The following ARL5B variants were observed in gnomAD, a reference collection of about 807,000 sequenced individuals.
ARL5B encodes ARF like GTPase 5B.
ARL5B carries 10 observed loss-of-function variants against 26.9 expected under a neutral mutation model. The ratio of observed to expected loss-of-function variants is 0.37; its 90% CI spans 0.23 to 0.63. The LOEUF is 0.63. ARL5B is among the 30% of genes least tolerant of loss of function. The probability of loss-of-function intolerance (pLI) is 0.62; values close to 1 mark genes in which losing one functional copy is unlikely to be tolerated. For missense variants in ARL5B, 167 were observed against 213.9 expected (o/e 0.78, Z 1.37); for synonymous variants, 87 against 70.4 (o/e 1.24, Z -1.18).
At chr10:18,670,771 G>A (rs762876473) in intron 3 of ARL5B, among the ~76,000 whole-genome samples, 6 of 152,176 alleles carry the variant, frequency 3.9e-5, no homozygotes, top group Non-Finnish European at 7.3e-5. Flanking sequence ...GAATCCATAT[G>A]TACTTAAAGT....
chr10:18,668,794 G>A (rs536625261), intron 3 of ARL5B, 117 bp downstream of exon 3: 383 of 1,064,208 alleles, frequency 3.6e-4, no homozygotes, highest in Middle Eastern at 5.8e-4. Context: ...TTTTTAAGAC[G>A]GAGTCTTGCT....
intron 4 of ARL5B, among the ~76,000 whole-genome samples, 175 bp from the exon 5 acceptor site, chr10:18,673,809 A>G (rs1304705924): frequency 6.6e-6 from 1 of 151,828 alleles, no homozygotes; most frequent in Non-Finnish European, 1.5e-5. Flanking sequence ...AAAAATAATT[A>G]TTTAATATTA....
rs757110842 is a variant in ARL5B, at chr10:18,674,133, A to G, written c.489A>G (p.Glu163=). 6 of 1,608,004 alleles carry G rather than the reference A, an allele frequency of 3.7e-6. No individual in the cohort carries two copies. Among genetic ancestry groups the G allele is most frequent in the Admixed American group, 1.7e-5 (1 of 58,618 alleles). The change falls in exon 5 of 6, where the codon GAA becomes GAG. Residue 163 remains glutamate, a splice_region_variant and synonymous_variant. Coordinates refer to ENST00000377275, the MANE Select transcript of ARL5B (RefSeq NM_178815.5). The part of the protein sequence containing the change: ...HIQSCCALTG[E]GLCQGLEWMT... ...AATCCTGCTGTGCTCTCACAGGAGA[A>G]GGGTAAGTTCATCCGTCTGAGGGGA...
rs1180685961 is a variant in ARL5B at position 18,681,502 on chromosome 10, G to A, written c.*6286G>A. ...CATGCCTACTTAACCCAAGTAAAACGATGCTGTTTGCTCTGGAATGTTCAT... is the reference window on the plus strand; with the variant it reads ...CATGCCTACTTAACCCAAGTAAAACAATGCTGTTTGCTCTGGAATGTTCAT... On this transcript the variant is annotated 3_prime_UTR_variant, in exon 6 of 6. Transcript: ENST00000377275. The A allele has an allele frequency of 6.6e-6, 1 of 152,142 alleles. No individual in the cohort carries two copies. The highest frequency in any genetic ancestry group is 1.5e-5 in the Non-Finnish European group (1 of 68,026). 9.4% of individuals were successfully genotyped at this position (152,142 alleles called of 1,614,324 possible). A position where few individuals can be genotyped will look rare whatever the true frequency, so the allele number is the denominator to read the frequency against.
chr10:18,669,037 G>C (rs2059875066), intron 3 of ARL5B, among the ~76,000 whole-genome samples: 1 of 152,056 alleles, frequency 6.6e-6, no homozygotes, highest in Non-Finnish European at 1.5e-5. Context: ...CCAAAGTGCT[G>C]GGATTACAGG....
At chr10:18,663,869 T>C (rs1356027574) in intron 1 of ARL5B, among the ~76,000 whole-genome samples, 1 of 151,846 alleles carries the variant, frequency 6.6e-6, no homozygotes, top group African/African-American at 2.4e-5. Flanking sequence ...TGCTCTTAAC[T>C]CTGGACTGTA....
rs372466460 is a variant in ARL5B at position 18,674,143 on chromosome 10, C to G, written c.491+8C>G. Reference sequence around the variant, plus strand: ...TGCTCTCACAGGAGAAGGGTAAGTTCATCCGTCTGAGGGGAGGTATGACTT... The same window carrying G: ...TGCTCTCACAGGAGAAGGGTAAGTTGATCCGTCTGAGGGGAGGTATGACTT... On this transcript the variant is annotated splice_region_variant and intron_variant, in intron 5 of 5. Coordinates refer to ENST00000377275, the MANE Select transcript of ARL5B (RefSeq NM_178815.5). 75 of 1,602,628 alleles carry G rather than the reference C, an allele frequency of 4.7e-5. No individual in the cohort carries two copies. The East Asian group carries it at 1.1e-3, about 24-fold the overall frequency.
In ARL5B at chr10:18,678,964, A is replaced by C. The variant is rs1244692435; in HGVS notation, c.*3748A>C. On this transcript the variant is annotated 3_prime_UTR_variant, in exon 6 of 6. Coordinates refer to ENST00000377275, the MANE Select transcript of ARL5B (RefSeq NM_178815.5). ...ATGTCTTTTGGTTTTAAAATTCTGAATGCTTATATACTACTATTAAAAATT... is the reference window on the plus strand; with the variant it reads ...ATGTCTTTTGGTTTTAAAATTCTGACTGCTTATATACTACTATTAAAAATT... 3 of 151,888 alleles carry C rather than the reference A, an allele frequency of 2.0e-5. No homozygotes were observed. The highest frequency in any genetic ancestry group is 4.4e-5 in the Non-Finnish European group (3 of 67,812). 9.4% of individuals were successfully genotyped at this position (151,888 alleles called of 1,614,324 possible). A position where few individuals can be genotyped will look rare whatever the true frequency, so the allele number is the denominator to read the frequency against.
intron 3 of ARL5B, among the ~76,000 whole-genome samples, chr10:18,669,361 G>A (rs2059876475): frequency 6.6e-6 from 1 of 151,862 alleles, no homozygotes; most frequent in South Asian, 2.1e-4. Context: ...ACCGGTGGAG[G>A]AATAAAATAT....
chr10:18,663,899 AAACTT>A (rs2059848635), intron 1 of ARL5B, among the ~76,000 whole-genome samples: 1 of 151,730 alleles, frequency 6.6e-6, no homozygotes. Context: ...CAAACACACT[AAACTT>A]AAACTTATCA....
intron 4 of ARL5B, among the ~76,000 whole-genome samples, chr10:18,672,925 T>C (rs181246590): frequency 1.3e-5 from 2 of 152,216 alleles, no homozygotes; most frequent in African/African-American, 4.8e-5. Context: ...ACTACTGTTA[T>C]TGTAAAAATT....
chr10:18,664,072 G>A (rs2059849530), intron 1 of ARL5B, among the ~76,000 whole-genome samples: 1 of 152,084 alleles, frequency 6.6e-6, no homozygotes. Flanking sequence ...TCCTGCCTCA[G>A]CCTCCCAAGT....
rs1376552108 is a variant in ARL5B, at chr10:18,676,868, G to A, written c.*1652G>A. The A allele has an allele frequency of 6.6e-6, 1 of 152,222 alleles. No individual in the cohort carries two copies. The highest frequency in any genetic ancestry group is 1.9e-4 in the East Asian group (1 of 5,198). The allele number at this position is 152,222 out of a possible 1,614,324, so 9.4% of individuals were successfully genotyped here. Reference sequence around the variant, plus strand: ...TGAACTGAACAGTGGCCAAAGGAAAGCTTTCTGGGCTTTGGAAAGTAGTTG... The same window carrying A: ...TGAACTGAACAGTGGCCAAAGGAAAACTTTCTGGGCTTTGGAAAGTAGTTG... On this transcript the variant is annotated 3_prime_UTR_variant, in exon 6 of 6. Coordinates refer to ENST00000377275, the MANE Select transcript of ARL5B (RefSeq NM_178815.5).
In ARL5B at chr10:18,681,240, A is replaced by G. The variant is rs1205513781; in HGVS notation, c.*6024A>G. ...CAAACAAATGTGTTCCATTGGTCCA[A>G]TATATAAGCATTAACAACAACAACA... is the stretch of plus-strand genomic sequence containing the variant. On this transcript the variant is annotated 3_prime_UTR_variant, in exon 6 of 6. Transcript: ENST00000377275. 2.6e-5 allele frequency: 4 copies of G among 152,200 alleles called. No homozygotes were observed. Among genetic ancestry groups the G allele is most frequent in the Non-Finnish European group, 5.9e-5 (4 of 68,030 alleles). The allele number at this position is 152,200 out of a possible 1,614,324, so 9.4% of individuals were successfully genotyped here.
intron 2 of ARL5B, 67 bp from the exon 3 acceptor site, chr10:18,668,463 C>G: frequency 6.5e-7 from 1 of 1,542,876 alleles, no homozygotes; most frequent in Non-Finnish European, 8.9e-7. Flanking sequence ...CTTAAAAATA[C>G]AGAGATAAAA....
Position 18,678,437 on chromosome 10 carries a change from T to C in ARL5B, c.*3221T>C, listed in dbSNP as rs1438411055. ...GTGATAGGCAGTGCTGTAAACAATA[T>C]TCTCTGAAAAGTTGTGGGGGTCACA... On this transcript the variant is annotated 3_prime_UTR_variant, in exon 6 of 6. Coordinates refer to ENST00000377275, the MANE Select transcript of ARL5B (RefSeq NM_178815.5). 6.6e-6 allele frequency: 1 copy of C among 151,908 alleles called. No individual in the cohort carries two copies. The highest frequency in any genetic ancestry group is 1.5e-5 in the Non-Finnish European group (1 of 67,814). 9.4% of individuals were successfully genotyped at this position (151,908 alleles called of 1,614,324 possible). A position where few individuals can be genotyped will look rare whatever the true frequency, so the allele number is the denominator to read the frequency against.
In ARL5B at chr10:18,680,306, G is replaced by A. The variant is rs1207181731; in HGVS notation, c.*5090G>A. On this transcript the variant is annotated 3_prime_UTR_variant, in exon 6 of 6. Coordinates refer to ENST00000377275, the MANE Select transcript of ARL5B (RefSeq NM_178815.5). ...GGAGACTTTGTTTTGTTTTACTCTTGTTTACCAGCTGGGCCAACATGGTAG... is the reference window on the plus strand; with the variant it reads ...GGAGACTTTGTTTTGTTTTACTCTTATTTACCAGCTGGGCCAACATGGTAG... The A allele has an allele frequency of 6.6e-6, 1 of 151,894 alleles. No individual in the cohort carries two copies. Among genetic ancestry groups the A allele is most frequent in the Non-Finnish European group, 1.5e-5 (1 of 67,884 alleles). 9.4% of individuals were successfully genotyped at this position (151,894 alleles called of 1,614,324 possible).
chr10:18,660,554 T>C (rs1460920802), intron 1 of ARL5B, among the ~76,000 whole-genome samples: 1 of 152,222 alleles, frequency 6.6e-6, no homozygotes, highest in Non-Finnish European at 1.5e-5. Flanking sequence ...GCCAGTTTTA[T>C]TTCCTTTTAT....
At position 18,674,176 on chromosome 10, in the gene ARL5B, A is replaced by G. The variant is rs771448024; in HGVS notation, c.491+41A>G. ...TGAGGGGAGGTATGACTTCTTTCAA[A>G]TTTCTTCCAACTTTTTAGGCCAACT... is the stretch of plus-strand genomic sequence containing the variant. On this transcript the variant is annotated intron_variant, in intron 5 of 5. Coordinates refer to ENST00000377275, the MANE Select transcript of ARL5B (RefSeq NM_178815.5). 2.6e-5 allele frequency: 41 copies of G among 1,550,602 alleles called. 1 individual carries two copies. The highest frequency in any genetic ancestry group is 3.2e-5 in the Non-Finnish European group (37 of 1,149,136).
Sources: gnomAD v4.1 joint callset for allele counts (sites outside exome capture counted in the v4.1 genomes callset) on GRCh38, gnomAD v4.1.1 for gene constraint, MANE v1.5 for transcripts, NCBI Gene and HGNC (gene_info 2026-07-23, HGNC 2026-07-21) for gene names.